The following LRFN5 variants were observed in gnomAD, a reference collection of about 807,000 sequenced individuals.
The protein encoded by LRFN5 is leucine rich repeat and fibronectin type III domain containing 5.
Under a neutral mutation model 45.6 loss-of-function variants are expected in LRFN5, and 24 were observed. The observed-to-expected ratio is 0.53, with a 90% CI of 0.38 to 0.74. The LOEUF is 0.74. Among genes scored for constraint, LRFN5 ranks in the 30% least tolerant of loss-of-function variants. The pLI, the probability that LRFN5 is intolerant of heterozygous loss-of-function variation, is 0.00. For missense variants in LRFN5, 776 were observed against 861.5 expected, an observed-to-expected ratio of 0.90 and a Z score of 1.24; for synonymous variants, 340 against 313.8, an observed-to-expected ratio of 1.08 and a Z score of -0.88.
At chr14:41,659,656 A>G (rs561294459) in intron 1 of LRFN5, among the ~76,000 whole-genome samples, 1 of 152,276 alleles carries the variant, frequency 6.6e-6, no homozygotes, top group South Asian at 2.1e-4. Flanking sequence ...GAACTAACTT[A>G]CACTCCCACT....
intron 4 of LRFN5, among the ~76,000 whole-genome samples, chr14:41,895,877 G>T (rs1890923429): frequency 6.6e-6 from 1 of 151,880 alleles, no homozygotes; most frequent in Non-Finnish European, 1.5e-5. Flanking sequence ...TCTAATCTTT[G>T]AAAGATGCAT....
chr14:41,756,519 A>G (rs1009075314), intron 1 of LRFN5, among the ~76,000 whole-genome samples: 2 of 151,546 alleles, frequency 1.3e-5, no homozygotes, highest in African/African-American at 4.8e-5. Context: ...ATCTTCCATC[A>G]CTGATACCCT....
At position 41,904,174 on chromosome 14, in the gene LRFN5, G is replaced by A; in HGVS notation, c.2159G>A (p.Ter720=). Residue 720 remains the stop codon, a stop_retained_variant, in exon 6 of 6, where the codon TGA becomes TAA. Coordinates refer to ENST00000298119, the MANE Select transcript of LRFN5 (RefSeq NM_152447.5). Reference sequence around the variant, plus strand: ...TCATTTCAGAGGCTGGAGTTAATCTGAAGAGCACCACTTCTCCTCTCTCTC... The same window carrying A: ...TCATTTCAGAGGCTGGAGTTAATCTAAAGAGCACCACTTCTCCTCTCTCTC... ...VQETQRLELI[*] 1 of 1,605,884 alleles carries A rather than the reference G, an allele frequency of 6.2e-7. No homozygotes were observed. The highest frequency in any genetic ancestry group is 8.5e-7 in the Non-Finnish European group (1 of 1,177,210).
intron 2 of LRFN5, 148 bp downstream of exon 2, chr14:41,767,177 T>C (rs1885915543): frequency 6.6e-6 from 1 of 152,314 alleles, no homozygotes; most frequent in Non-Finnish European, 1.5e-5. Flanking sequence ...TTGTTGTTTT[T>C]GAGTCATATT....
chr14:41,825,833 G>C (rs1427316020), intron 2 of LRFN5, among the ~76,000 whole-genome samples: 1 of 152,136 alleles, frequency 6.6e-6, no homozygotes, highest in Non-Finnish European at 1.5e-5. Context: ...ACCAGTGCTT[G>C]GGTTTATGAG....
chr14:41,872,369 GT>G (rs1298410728), intron 2 of LRFN5, among the ~76,000 whole-genome samples: 3 of 152,104 alleles, frequency 2.0e-5, no homozygotes, highest in South Asian at 2.1e-4. Context: ...TGCATGCTAT[GT>G]TTTTTTCTAA....
intron 1 of LRFN5, among the ~76,000 whole-genome samples, chr14:41,761,623 G>C (rs1433972716): frequency 6.6e-6 from 1 of 152,100 alleles, no homozygotes; most frequent in Non-Finnish European, 1.5e-5. Context: ...AGCAAATGAA[G>C]TCAAAGGACC....
At chr14:41,825,773 G>T (rs556732275) in intron 2 of LRFN5, among the ~76,000 whole-genome samples, 2 of 152,148 alleles carry the variant, frequency 1.3e-5, no homozygotes, top group African/African-American at 4.8e-5. Flanking sequence ...CCCTTTGCCA[G>T]CTGGCAGCTC....
intron 2 of LRFN5, among the ~76,000 whole-genome samples, chr14:41,878,254 C>T (rs1890253374): frequency 6.6e-6 from 1 of 152,104 alleles, no homozygotes; most frequent in Non-Finnish European, 1.5e-5. Context: ...CAGACATTAA[C>T]ATTTGTCCCC....
intron 2 of LRFN5, among the ~76,000 whole-genome samples, chr14:41,790,796 T>TAAG (rs34396245): frequency 0.15 from 21,986 of 151,588 alleles, 1,752 homozygotes; most frequent in East Asian, 0.22. Context: ...TGAAATATGT[T>TAAG]AAGACAATGC....
Position 41,879,382 on chromosome 14 carries a change from C to T in LRFN5, c.-20-7224C>T, listed in dbSNP as rs1407578760. 3.3e-5 allele frequency among the ~76,000 whole-genome samples: 5 copies of T among 151,924 alleles called. No individual in the cohort carries two copies. The East Asian group carries it at 7.8e-4, about 24-fold the overall frequency. ...TTAAAAAAAATTAATCACCTACTCA[C>T]AATTACTAAAAAGTGGCAAGAATAG... On this transcript the variant is annotated intron_variant, in intron 2 of 5. Coordinates refer to ENST00000298119, the MANE Select transcript of LRFN5 (RefSeq NM_152447.5).
At chr14:41,817,477 A>G (rs1594436179) in intron 2 of LRFN5, among the ~76,000 whole-genome samples, 1 of 151,984 alleles carries the variant, frequency 6.6e-6, no homozygotes. Flanking sequence ...ACGAGCTTGT[A>G]CCTCTGAACT....
At chr14:41,646,706 T>C (rs1455262520) in intron 1 of LRFN5, among the ~76,000 whole-genome samples, 1 of 152,268 alleles carries the variant, frequency 6.6e-6, no homozygotes, top group African/African-American at 2.4e-5. Context: ...TTCAATTTTG[T>C]ACATTTATTG....
At chr14:41,868,624 A>G (rs1889916983) in intron 2 of LRFN5, among the ~76,000 whole-genome samples, 1 of 152,170 alleles carries the variant, frequency 6.6e-6, no homozygotes, top group Non-Finnish European at 1.5e-5. Flanking sequence ...TCTTTAGAAG[A>G]CATCTCTTTG....
chr14:41,718,864 G>T (rs1476250464), intron 1 of LRFN5, among the ~76,000 whole-genome samples: 5 of 151,908 alleles, frequency 3.3e-5, no homozygotes, highest in African/African-American at 1.2e-4. Flanking sequence ...CATTAACAGG[G>T]ATGGAAGTTT....
At chr14:41,868,256 T>C (rs1956133496) in intron 2 of LRFN5, among the ~76,000 whole-genome samples, 1 of 152,102 alleles carries the variant, frequency 6.6e-6, no homozygotes, top group Non-Finnish European at 1.5e-5. Context: ...ACCTATTGAA[T>C]AGCAGATGAC....
intron 2 of LRFN5, among the ~76,000 whole-genome samples, chr14:41,883,945 T>C (rs145465237): frequency 2.0e-5 from 3 of 152,352 alleles, no homozygotes; most frequent in East Asian, 1.9e-4. Flanking sequence ...CCACAGGTCA[T>C]TGGATTTTTG....
chr14:41,792,231 G>C (rs1327293662), intron 2 of LRFN5, among the ~76,000 whole-genome samples: 1 of 152,004 alleles, frequency 6.6e-6, no homozygotes, highest in Non-Finnish European at 1.5e-5. Context: ...ATGCTTCAAA[G>C]GGCAAAAAGC....
At chr14:41,623,070 G>A (rs1294244015) in intron 1 of LRFN5, among the ~76,000 whole-genome samples, 1 of 152,070 alleles carries the variant, frequency 6.6e-6, no homozygotes, top group African/African-American at 2.4e-5. Context: ...GTCAGTTTGA[G>A]AGCCTCTGTT....
Sources: gnomAD v4.1 joint callset for allele counts (sites outside exome capture counted in the v4.1 genomes callset) on GRCh38, gnomAD v4.1.1 for gene constraint, MANE v1.5 for transcripts, NCBI Gene and HGNC (gene_info 2026-07-23, HGNC 2026-07-21) for gene names.